The following FGF14 variants were observed in gnomAD, a reference collection of about 807,000 sequenced individuals.
FGF14 encodes fibroblast growth factor 14.
In FGF14, 5 loss-of-function variants were observed where a neutral mutation model predicts 25.5. That is an observed-to-expected ratio of 0.20 (90% CI 0.10 to 0.41). The LOEUF (loss-of-function observed/expected upper bound fraction) is 0.41. Ranked by LOEUF, FGF14 falls within the 10% of genes least tolerant of loss-of-function variation. FGF14 has a pLI of 1.00. For missense variants in FGF14, 222 were observed against 320.1 expected, an observed-to-expected ratio of 0.69 and a Z score of 2.34; for synonymous variants, 138 against 118.3, an observed-to-expected ratio of 1.17 and a Z score of -1.08.
chr13:102,162,925 G>A (rs753488488), intron 1 of FGF14, among the ~76,000 whole-genome samples: 1 of 152,106 alleles, frequency 6.6e-6, no homozygotes, highest in African/African-American at 2.4e-5. Context: ...TTTGTATGTA[G>A]GTTAGTAGCA....
intron 1 of FGF14, among the ~76,000 whole-genome samples, chr13:102,343,756 T>G (rs1402220780): frequency 1.3e-5 from 2 of 152,194 alleles, no homozygotes; most frequent in Non-Finnish European, 2.9e-5. Context: ...AAACATATTT[T>G]GAAGGTTAAT....
chr13:101,904,117 G>T (rs948357425), intron 1 of FGF14, among the ~76,000 whole-genome samples: 6 of 152,178 alleles, frequency 3.9e-5, no homozygotes, highest in Admixed American at 3.9e-4. Context: ...AAATTGTCTT[G>T]TTCAATGGGT....
intron 1 of FGF14, among the ~76,000 whole-genome samples, chr13:102,085,469 T>G (rs1375295358): frequency 1.3e-5 from 2 of 152,222 alleles, no homozygotes; most frequent in Admixed American, 6.5e-5. Context: ...TTGTCCCTGT[T>G]ATAAACAATG....
chr13:101,898,434 A>G (rs1168601177), intron 1 of FGF14, among the ~76,000 whole-genome samples: 1 of 151,804 alleles, frequency 6.6e-6, no homozygotes, highest in African/African-American at 2.4e-5. Context: ...TTTTATTAAA[A>G]CTTAGAGTGG....
chr13:101,785,026 C>T (rs566279576), intron 3 of FGF14, among the ~76,000 whole-genome samples: 1 of 152,138 alleles, frequency 6.6e-6, no homozygotes, highest in African/African-American at 2.4e-5. Context: ...AAACAACCAA[C>T]CCCAGATCTG....
At chr13:101,851,176 T>C (rs2043826092) in intron 3 of FGF14, among the ~76,000 whole-genome samples, 1 of 151,942 alleles carries the variant, frequency 6.6e-6, no homozygotes, top group Non-Finnish European at 1.5e-5. Flanking sequence ...CTGGTGTCTT[T>C]ATAAAGAGGG....
upstream of FGF14, among the ~76,000 whole-genome samples, chr13:101,917,771 G>A (rs1206762124): frequency 6.6e-6 from 1 of 152,150 alleles, no homozygotes; most frequent in Non-Finnish European, 1.5e-5. Context: ...GGAGGGAATG[G>A]AAAGAGAGAA....
chr13:101,735,162 C>G (rs117045661), intron 3 of FGF14, among the ~76,000 whole-genome samples: 1 of 152,058 alleles, frequency 6.6e-6, no homozygotes, highest in African/African-American at 2.4e-5. Flanking sequence ...CAAGTCCTGC[C>G]GAGATCTACA....
At chr13:101,781,190 G>T (rs1029549670) in intron 3 of FGF14, among the ~76,000 whole-genome samples, 1 of 152,060 alleles carries the variant, frequency 6.6e-6, no homozygotes, top group Non-Finnish European at 1.5e-5. Context: ...TCCCTTGAGT[G>T]CTACATCTGA....
At chr13:102,085,908 A>T (rs745577000) in intron 1 of FGF14, among the ~76,000 whole-genome samples, 2 of 152,240 alleles carry the variant, frequency 1.3e-5, no homozygotes, top group Non-Finnish European at 2.9e-5. Flanking sequence ...GTTCTACTCC[A>T]GGAAGTTTGT....
At chr13:101,849,041 C>T (rs1465643782) in intron 3 of FGF14, among the ~76,000 whole-genome samples, 1 of 151,968 alleles carries the variant, frequency 6.6e-6, no homozygotes, top group African/African-American at 2.4e-5. Flanking sequence ...TCCTCTCTTC[C>T]TTCCTTGCTC....
chr13:102,161,188 T>C (rs184807380), intron 1 of FGF14, among the ~76,000 whole-genome samples: 65 of 152,120 alleles, frequency 4.3e-4, no homozygotes, highest in African/African-American at 1.4e-3. Context: ...TAAGTAAACA[T>C]CTTGAAGAGA....
intron 1 of FGF14, among the ~76,000 whole-genome samples, chr13:102,267,998 G>T (rs2053072722): frequency 6.6e-6 from 1 of 151,732 alleles, no homozygotes; most frequent in Non-Finnish European, 1.5e-5. Flanking sequence ...TAGATAAGAA[G>T]GAAACAATAA....
intron 1 of FGF14, among the ~76,000 whole-genome samples, chr13:102,357,352 G>C (rs2057447915): frequency 6.6e-6 from 1 of 152,146 alleles, no homozygotes; most frequent in Admixed American, 6.5e-5. Flanking sequence ...TCCTCTGGGA[G>C]AGTGTGCGAG....
chr13:102,273,367 A>G (rs2053349086), intron 1 of FGF14, among the ~76,000 whole-genome samples: 1 of 152,212 alleles, frequency 6.6e-6, no homozygotes, highest in Non-Finnish European at 1.5e-5. Context: ...TCCTGTGCAT[A>G]GCCTTCACCA....
chr13:102,005,950 T>C (rs61966484), intron 1 of FGF14, among the ~76,000 whole-genome samples: 9,077 of 152,280 alleles, frequency 0.06, 327 homozygotes, highest in Middle Eastern at 0.082. Flanking sequence ...ATGTAGGGTG[T>C]TTGTATTGTA....
At chr13:101,818,236 T>C (rs1360090931) in intron 3 of FGF14, among the ~76,000 whole-genome samples, 1 of 152,234 alleles carries the variant, frequency 6.6e-6, no homozygotes, top group Non-Finnish European at 1.5e-5. Flanking sequence ...TGTTATTTTC[T>C]TGAAACTTCT....
intron 1 of FGF14, among the ~76,000 whole-genome samples, chr13:101,958,776 C>T (rs1302751372): frequency 6.6e-6 from 1 of 152,174 alleles, no homozygotes; most frequent in Non-Finnish European, 1.5e-5. Flanking sequence ...CAAAGTGAGA[C>T]AAAGCAAGGG....
At chr13:102,298,905 C>A (rs1349003401) in intron 1 of FGF14, among the ~76,000 whole-genome samples, 1 of 152,140 alleles carries the variant, frequency 6.6e-6, no homozygotes, top group Non-Finnish European at 1.5e-5. Flanking sequence ...AAGATGAGAA[C>A]TGAATAAATG....
Sources: gnomAD v4.1 joint callset for allele counts (sites outside exome capture counted in the v4.1 genomes callset) on GRCh38, gnomAD v4.1.1 for gene constraint, MANE v1.5 for transcripts, NCBI Gene and HGNC (gene_info 2026-07-23, HGNC 2026-07-21) for gene names.